RBMS2: variants seen among roughly 807,000 people sequenced by gnomAD.
RBMS2 encodes RNA-binding motif, single-stranded-interacting protein 2.
Under a neutral mutation model 58.4 loss-of-function variants are expected in RBMS2, and 38 were observed. The ratio of observed to expected loss-of-function variants is 0.65; its 90% CI spans 0.50 to 0.85. RBMS2 has a LOEUF of 0.85. RBMS2 is among the 40% of genes least tolerant of loss of function. The pLI, the probability that RBMS2 is intolerant of heterozygous loss-of-function variation, is 0.00. For missense variants in RBMS2, 367 were observed against 503.7 expected (o/e 0.73, Z 2.60); for synonymous variants, 151 against 180.7 (o/e 0.84, Z 1.32).
chr12:56,578,061 G>GTGTT (rs1464009352), intron 5 of RBMS2, among the ~76,000 whole-genome samples: 7 of 152,110 alleles, frequency 4.6e-5, no homozygotes, highest in African/African-American at 1.7e-4. Flanking sequence ...CTGGGCTCAA[G>GTGTT]CAGTCCTCCT....
At position 56,594,696 on chromosome 12, in the gene RBMS2, G is replaced by C. The variant is rs1459541446; in HGVS notation, c.*5563G>C. The C allele has an allele frequency of 6.6e-6, 1 of 152,116 alleles. No homozygotes were observed. Among genetic ancestry groups the C allele is most frequent in the Non-Finnish European group, 1.5e-5 (1 of 68,026 alleles). 9.4% of individuals were successfully genotyped at this position (152,116 alleles called of 1,614,324 possible). On this transcript the variant is annotated 3_prime_UTR_variant, in exon 14 of 14. Coordinates refer to ENST00000262031, the MANE Select transcript of RBMS2 (RefSeq NM_002898.4). ...CTGATTTTTGCTGCACCTCCCAGGG[G>C]ACAGTCCCCACATGATTACAAAAGC...
intron 5 of RBMS2, among the ~76,000 whole-genome samples, chr12:56,575,042 G>A (rs576351192): frequency 1.3e-5 from 2 of 152,102 alleles, no homozygotes; most frequent in Admixed American, 6.5e-5. Context: ...CAGCTTACTC[G>A]GAAGGCTGAT....
In RBMS2 at chr12:56,594,528, T is replaced by A. The variant is rs1885562370; in HGVS notation, c.*5395T>A. 2 of 152,212 alleles carry A rather than the reference T, an allele frequency of 1.3e-5. No individual in the cohort carries two copies. Among genetic ancestry groups the A allele is most frequent in the Admixed American group, 1.3e-4 (2 of 15,282 alleles). The allele number at this position is 152,212 out of a possible 1,614,324, so 9.4% of individuals were successfully genotyped here. A position where few individuals can be genotyped will look rare whatever the true frequency, so the allele number is the denominator to read the frequency against. On this transcript the variant is annotated 3_prime_UTR_variant, in exon 14 of 14. Coordinates refer to ENST00000262031, the MANE Select transcript of RBMS2 (RefSeq NM_002898.4). ...TCCCGTTTAAACCAACTACTCTATTTCTGTGCTGCCTACATTTTCAATCCT... is the reference window on the plus strand; with the variant it reads ...TCCCGTTTAAACCAACTACTCTATTACTGTGCTGCCTACATTTTCAATCCT...
At chr12:56,559,661 C>T (rs1447379794) in intron 1 of RBMS2, among the ~76,000 whole-genome samples, 2 of 149,034 alleles carry the variant, frequency 1.3e-5, no homozygotes, top group African/African-American at 4.9e-5. Flanking sequence ...ACCATTCTGG[C>T]TAACACGGTG....
chr12:56,527,736 T>G, intron 1 of RBMS2: 1 of 151,756 alleles, frequency 6.6e-6, no homozygotes, highest in African/African-American at 2.4e-5. Flanking sequence ...TTTCCTTATC[T>G]TCCCCATCCC....
At chr12:56,530,336 G>T (rs978713614) in intron 1 of RBMS2, among the ~76,000 whole-genome samples, 5 of 137,436 alleles carry the variant, frequency 3.6e-5, no homozygotes, top group East Asian at 2.4e-4. Context: ...TGTCAAGAGA[G>T]AATTTTCTTT....
intron 10 of RBMS2, 121 bp from the exon 11 acceptor site, chr12:56,587,433 A>G (rs1884827000): frequency 6.7e-6 from 7 of 1,047,884 alleles, no homozygotes; most frequent in Non-Finnish European, 9.5e-6. Flanking sequence ...GTTGCTGCTC[A>G]CTTACCATTT....
intron 1 of RBMS2, among the ~76,000 whole-genome samples, chr12:56,562,003 T>C (rs766979010): frequency 4.0e-5 from 6 of 151,296 alleles, no homozygotes; most frequent in Non-Finnish European, 5.9e-5. Context: ...AGAGACAGGG[T>C]TTCACCATGT....
At chr12:56,552,919 G>C (rs1878522839) in intron 1 of RBMS2, among the ~76,000 whole-genome samples, 1 of 131,840 alleles carries the variant, frequency 7.6e-6, no homozygotes, top group Non-Finnish European at 1.5e-5. Context: ...AAAATTAAGA[G>C]TCCTTTTTTT....
At chr12:56,562,807 C>T (rs1314641058) in intron 2 of RBMS2, among the ~76,000 whole-genome samples, 1 of 152,188 alleles carries the variant, frequency 6.6e-6, no homozygotes, top group Non-Finnish European at 1.5e-5. Context: ...CACAAACTTT[C>T]TCAGCAGCCT....
intron 6 of RBMS2, 48 bp from the exon 7 acceptor site, chr12:56,581,351 G>A: frequency 1.2e-6 from 2 of 1,600,644 alleles, no homozygotes; most frequent in Non-Finnish European, 1.7e-6. Flanking sequence ...CTGTGCCTGG[G>A]CCACATGAGG....
intron 5 of RBMS2, among the ~76,000 whole-genome samples, chr12:56,575,206 A>G (rs982510609): frequency 4.0e-5 from 6 of 151,878 alleles, no homozygotes; most frequent in Admixed American, 3.3e-4. Flanking sequence ...AGGCGGGCAG[A>G]TCACTTGAGC....
chr12:56,557,863 T>G (rs921321852), intron 1 of RBMS2, among the ~76,000 whole-genome samples: 5 of 149,884 alleles, frequency 3.3e-5, no homozygotes, highest in African/African-American at 9.8e-5. Context: ...CTCAGCCTCC[T>G]GAGTAACTGG....
intron 9 of RBMS2, among the ~76,000 whole-genome samples, chr12:56,584,512 A>G (rs1430581597): frequency 1.3e-5 from 2 of 151,716 alleles, no homozygotes; most frequent in East Asian, 1.9e-4. Context: ...GAGGCCAGGC[A>G]CGGTGGCTCA....
At chr12:56,563,418 G>A (rs1361838452) in intron 2 of RBMS2, among the ~76,000 whole-genome samples, 1 of 152,178 alleles carries the variant, frequency 6.6e-6, no homozygotes, top group Non-Finnish European at 1.5e-5. Flanking sequence ...ACTTTCTGCT[G>A]CTGGAGATAT....
At chr12:56,548,010 G>C (rs549930909) in intron 1 of RBMS2, among the ~76,000 whole-genome samples, 1 of 152,160 alleles carries the variant, frequency 6.6e-6, no homozygotes, top group South Asian at 2.1e-4. Flanking sequence ...GTGACTCCTT[G>C]TGGATGTGCA....
At chr12:56,585,833 C>T (rs1183665226) in intron 9 of RBMS2, among the ~76,000 whole-genome samples, 2 of 152,200 alleles carry the variant, frequency 1.3e-5, no homozygotes, top group Non-Finnish European at 2.9e-5. Flanking sequence ...GTAGCTGCAC[C>T]ATTTTACATT....
intron 8 of RBMS2, 55 bp from the exon 9 acceptor site, chr12:56,582,003 GA>G (rs2136556958): frequency 1.3e-6 from 2 of 1,566,718 alleles, no homozygotes; most frequent in Non-Finnish European, 1.8e-6. Context: ...TATCAGTTGG[GA>G]CCCTTCCCTT....
chr12:56,525,031 T>G (rs1293183188), intron 1 of RBMS2, among the ~76,000 whole-genome samples: 1 of 151,740 alleles, frequency 6.6e-6, no homozygotes, highest in South Asian at 2.1e-4. Flanking sequence ...CCCATATTTT[T>G]ATTTTTATTT....
Sources: allele counts gnomAD v4.1 joint callset (sites outside exome capture counted in the v4.1 genomes callset), GRCh38; gene constraint gnomAD v4.1.1; transcripts MANE v1.5; gene names NCBI Gene and HGNC (gene_info 2026-07-23, HGNC 2026-07-21).